IQSEC1: variants seen among roughly 807,000 people sequenced by gnomAD.
The protein encoded by IQSEC1 is IQ motif and SEC7 domain-containing protein 1.
In IQSEC1, 31 loss-of-function variants were observed where a neutral mutation model predicts 91.0. The ratio of observed to expected loss-of-function variants is 0.34; its 90% CI spans 0.26 to 0.46. The LOEUF is 0.46. IQSEC1 is among the 20% of genes least tolerant of loss of function. The probability of loss-of-function intolerance (pLI) is 1.00; values close to 1 mark genes in which losing one functional copy is unlikely to be tolerated. For synonymous variants in IQSEC1, 699 were observed against 662.6 expected, an observed-to-expected ratio of 1.05 and a Z score of -0.84; for missense variants, 1,388 against 1,575.6, an observed-to-expected ratio of 0.88 and a Z score of 2.02.
At chr3:13,281,593 T>C (rs1283134643) in intron 1 of IQSEC1, among the ~76,000 whole-genome samples, 1 of 151,970 alleles carries the variant, frequency 6.6e-6, no homozygotes, top group Non-Finnish European at 1.5e-5. Flanking sequence ...GCCTGTCCCA[T>C]GGCCACAGTC....
intron 2 of IQSEC1, among the ~76,000 whole-genome samples, chr3:13,157,319 A>G (rs1304763847): frequency 6.6e-6 from 1 of 152,196 alleles, no homozygotes; most frequent in Non-Finnish European, 1.5e-5. Context: ...CAGAAAACAA[A>G]TCAAAACGCA....
At chr3:13,118,438 A>C (rs1177456579) in intron 2 of IQSEC1, among the ~76,000 whole-genome samples, 1 of 152,232 alleles carries the variant, frequency 6.6e-6, no homozygotes, top group Non-Finnish European at 1.5e-5. Context: ...GAACGGATAG[A>C]CAAATTTCGT....
In IQSEC1 at chr3:12,994,639, C is replaced by G. The variant is rs2125642662; in HGVS notation, c.24-52774G>C. Among the ~76,000 whole-genome samples, 1 of 152,352 alleles carries G rather than the reference C, an allele frequency of 6.6e-6. No individual in the cohort carries two copies. Among genetic ancestry groups the G allele is most frequent in the Admixed American group, 6.5e-5 (1 of 15,310 alleles). On this transcript the variant is annotated intron_variant, in intron 1 of 13. Transcript: ENST00000613206. This position sits in a 1 kb window ranked among gnomAD's most constrained non-coding sequence, Gnocchi z 4.5. ...AAACGCCCCACCCCCGCCGCCGTCC[C>G]CAGTTCGCAGATGGGAACACTGAGG...
intron 1 of IQSEC1, among the ~76,000 whole-genome samples, chr3:13,023,378 G>A (rs1168333016): frequency 6.6e-6 from 1 of 152,162 alleles, no homozygotes; most frequent in Admixed American, 6.5e-5. Flanking sequence ...AGGGCCCCCA[G>A]GGATAATGAC....
At chr3:13,178,202 C>T (rs1048912682) in intron 1 of IQSEC1, among the ~76,000 whole-genome samples, 4 of 152,258 alleles carry the variant, frequency 2.6e-5, no homozygotes, top group Admixed American at 6.5e-5. Context: ...ACAAATATTT[C>T]AGCAACTACT....
chr3:12,901,118 CCCGTAGGCTGGGTGGCCCCCATGGGGG>C lies in IQSEC1; in HGVS notation c.3183_3209del (p.Pro1062_Gly1070del). ...GCGGCGGGTGGCCGTGGGCATGGGC[CCCGTAGGCTGGGTGGCCCCCATGGGGG>C]CCGTGGTGGTACTGGTGTGCGTGCT... On this transcript the variant is annotated inframe_deletion, in exon 14 of 14. Coordinates refer to ENST00000613206, the MANE Select transcript of IQSEC1 (RefSeq NM_001134382.3). 1 of 1,541,208 alleles carries C rather than the reference CCCGTAGGCTGGGTGGCCCCCATGGGGG, an allele frequency of 6.5e-7. No homozygotes were observed. The highest frequency in any genetic ancestry group is 8.7e-7 in the Non-Finnish European group (1 of 1,145,564).
chr3:13,144,187 C>T (rs1219081485), intron 2 of IQSEC1, among the ~76,000 whole-genome samples: 2 of 151,304 alleles, frequency 1.3e-5, no homozygotes, highest in South Asian at 4.2e-4. Flanking sequence ...AAGGTACCAA[C>T]CCCTGTCCCC....
chr3:13,002,407 T>C (rs1702455472), intron 1 of IQSEC1, among the ~76,000 whole-genome samples: 1 of 151,996 alleles, frequency 6.6e-6, no homozygotes, highest in Non-Finnish European at 1.5e-5. Context: ...GATAAGGCCC[T>C]GCATAGGCTC....
chr3:13,184,852 C>T lies in IQSEC1; in HGVS notation c.273-20719G>A, dbSNP rs187209735. On this transcript the variant is annotated intron_variant, in intron 1 of 15. Transcript: ENST00000648114. ...AAAGCAAGGGAGCGATAAACACAGA[C>T]GCTAGTTCGGGAGTGTCTGGGTGTG... 4.8e-4 allele frequency among the ~76,000 whole-genome samples: 73 copies of T among 152,216 alleles called. No individual in the cohort carries two copies. In the East Asian group the frequency reaches 0.013, roughly 27 times the overall value.
intron 2 of IQSEC1, among the ~76,000 whole-genome samples, chr3:13,086,814 C>G (rs897419728): frequency 6.6e-6 from 1 of 152,222 alleles, no homozygotes; most frequent in African/African-American, 2.4e-5. Flanking sequence ...GTCTCCTCAC[C>G]CAGTTTACTT....
chr3:13,277,961 G>A (rs357117), intron 1 of IQSEC1, among the ~76,000 whole-genome samples: 89,926 of 151,958 alleles, frequency 0.59, 27,550 homozygotes, highest in East Asian at 0.94. Flanking sequence ...CCTCCTGAGG[G>A]TGGCTTCCTC....
intron 1 of IQSEC1, among the ~76,000 whole-genome samples, chr3:12,955,975 A>G (rs1270395772): frequency 1.3e-5 from 2 of 152,250 alleles, no homozygotes; most frequent in Non-Finnish European, 2.9e-5. Context: ...ACAGTGTTTC[A>G]AAAACTAGAA....
chr3:12,952,203 G>A (rs539518127), intron 1 of IQSEC1, among the ~76,000 whole-genome samples: 86 of 152,246 alleles, frequency 5.6e-4, no homozygotes, highest in African/African-American at 1.8e-3. Context: ...CCAAGAAACC[G>A]GACATCCCGC....
chr3:13,174,386 A>G (rs1371526109), intron 1 of IQSEC1, among the ~76,000 whole-genome samples: 1 of 152,096 alleles, frequency 6.6e-6, no homozygotes, highest in African/African-American at 2.4e-5. Flanking sequence ...ACTGGAGACT[A>G]TACAGCCACC....
intron 1 of IQSEC1, among the ~76,000 whole-genome samples, chr3:13,258,202 A>C (rs1695324260): frequency 6.6e-6 from 1 of 152,206 alleles, no homozygotes; most frequent in Admixed American, 6.5e-5. Context: ...ATGATGTGTC[A>C]AAGTGGGTTC....
exon 2 of IQSEC1, among the ~76,000 whole-genome samples, chr3:13,164,115 C>T (rs778206191): frequency 1.3e-5 from 2 of 152,294 alleles, no homozygotes; most frequent in African/African-American, 2.4e-5. Flanking sequence ...TGACGCTCCG[C>T]GAGCTTTCTC....
At chr3:13,166,607 T>C (rs57671583) in intron 1 of IQSEC1, among the ~76,000 whole-genome samples, 9,163 of 152,272 alleles carry the variant, frequency 0.06, 769 homozygotes, top group African/African-American at 0.18. Context: ...GCCCCTAAAA[T>C]GTGGTGAGGA....
At chr3:12,948,129 G>C (rs776271660) in intron 1 of IQSEC1, among the ~76,000 whole-genome samples, 2 of 152,244 alleles carry the variant, frequency 1.3e-5, no homozygotes, top group African/African-American at 4.8e-5. Flanking sequence ...CTAAAATTGG[G>C]GTAATTAGTG....
At chr3:13,232,896 C>T (rs773833184) in intron 1 of IQSEC1, among the ~76,000 whole-genome samples, 10 of 152,158 alleles carry the variant, frequency 6.6e-5, no homozygotes, top group East Asian at 1.9e-4. Flanking sequence ...CGTCACGAAA[C>T]GTGAAAAACA....
Sources: allele counts gnomAD v4.1 joint callset (sites outside exome capture counted in the v4.1 genomes callset), GRCh38; gene constraint gnomAD v4.1.1; non-coding constraint Gnocchi (gnomAD v3.1); transcripts MANE v1.5; gene names NCBI Gene and HGNC (gene_info 2026-07-23, HGNC 2026-07-21).